The following FBXO38 variants were observed in gnomAD, a reference collection of about 807,000 sequenced individuals.
The protein encoded by FBXO38 is F-box protein 38.
FBXO38 carries 53 observed loss-of-function variants against 131.9 expected under a neutral mutation model. That is an observed-to-expected ratio of 0.40 (90% confidence interval 0.32 to 0.51). The LOEUF is 0.51. Ranked by LOEUF, FBXO38 falls within the 20% of genes least tolerant of loss-of-function variation. The pLI, the probability that FBXO38 is intolerant of heterozygous loss-of-function variation, is 0.53. For synonymous variants in FBXO38, 452 were observed against 505.6 expected, an observed-to-expected ratio of 0.89 and a Z score of 1.42; for missense variants, 1,076 against 1,475.6, an observed-to-expected ratio of 0.73 and a Z score of 4.44.
At chr5:148,403,712 C>T (rs1190231382) in intron 5 of FBXO38, among the ~76,000 whole-genome samples, 1 of 152,112 alleles carries the variant, frequency 6.6e-6, no homozygotes, top group Admixed American at 6.6e-5. Flanking sequence ...TTGTAGGTTA[C>T]AATAAGAACA....
At chr5:148,402,211 G>C in intron 4 of FBXO38, 66 bp downstream of exon 4, 4 of 1,564,810 alleles carry the variant, frequency 2.6e-6, no homozygotes, top group Non-Finnish European at 3.5e-6. Flanking sequence ...AAGAATGATA[G>C]ACGTGTTCAC....
chr5:148,437,286 C>A (rs371323870), intron 17 of FBXO38, among the ~76,000 whole-genome samples: 24 of 152,322 alleles, frequency 1.6e-4, no homozygotes, highest in Non-Finnish European at 2.8e-4. Context: ...TTAGAACTGA[C>A]CTTAGTCATG....
Position 148,442,068 on chromosome 5 carries a change from G to T in FBXO38, c.3488G>T (p.Gly1163Val). The change falls in exon 22 of 22, where the codon GGT becomes GTT. Residue 1163 changes from glycine (G) to valine (V), a missense_variant. This residue lies in a region of FBXO38 where 282 missense variants were observed against 418.8 expected (regional missense o/e 0.67). Transcript: ENST00000340253. ...EISEMRQMKK[G>V]VFQRVVAIFI... ...TCAGAGATGCGTCAGATGAAGAAGG[G>T]TGTATTTCAGCGAGTAGTGGCAATT... The T allele has an allele frequency of 1.2e-6, 2 of 1,614,118 alleles. No individual in the cohort carries two copies. Among genetic ancestry groups the T allele is most frequent in the Non-Finnish European group, 1.7e-6 (2 of 1,179,962 alleles).
intron 1 of FBXO38, among the ~76,000 whole-genome samples, chr5:148,392,691 C>G (rs955939754): frequency 6.7e-6 from 1 of 150,098 alleles, no homozygotes; most frequent in Non-Finnish European, 1.5e-5. Flanking sequence ...GATAAATTAG[C>G]AAAGGAGACT....
At chr5:148,410,837 G>A (rs1305584849) in intron 9 of FBXO38, 72 bp downstream of exon 9, 2 of 1,419,580 alleles carry the variant, frequency 1.4e-6, no homozygotes, top group African/African-American at 1.5e-5. Context: ...ATCTGAATTG[G>A]GTTGTGCCAT....
In FBXO38 at chr5:148,391,601, T is replaced by C. The variant is rs1314505531; in HGVS notation, c.-63-3113T>C. Reference sequence around the variant, plus strand: ...GAAGATACTGGTCTGCTAGAGTGAGTATACTGAGAGCAAGTGGTAAGGATT... The same window carrying C: ...GAAGATACTGGTCTGCTAGAGTGAGCATACTGAGAGCAAGTGGTAAGGATT... On this transcript the variant is annotated intron_variant, in intron 1 of 21. Coordinates refer to ENST00000340253, the MANE Select transcript of FBXO38 (RefSeq NM_205836.3). 2.0e-5 allele frequency among the ~76,000 whole-genome samples: 3 copies of C among 152,144 alleles called. No individual in the cohort carries two copies. The East Asian group carries it at 5.8e-4, about 29-fold the overall frequency.
intron 9 of FBXO38, among the ~76,000 whole-genome samples, chr5:148,411,578 A>C (rs36028618): frequency 0.25 from 38,151 of 152,022 alleles, 4,837 homozygotes; most frequent in South Asian, 0.29. Context: ...AGCTCAAAAA[A>C]CATGACTGTT....
At position 148,427,766 on chromosome 5, in the gene FBXO38, G is replaced by T; in HGVS notation, c.2472G>T (p.Gly824=). The change falls in exon 15 of 22, where the codon GGG becomes GGT. Residue 824 remains glycine (G), a synonymous_variant. Transcript: ENST00000340253. ...AFSFRTLPQG[G]SSGPAHDERT... Reference sequence around the variant, plus strand: ...CCTTTAGGACTCTGCCACAAGGGGGGTCTTCAGGCCCAGCACATGATGAGA... The same window carrying T: ...CCTTTAGGACTCTGCCACAAGGGGGTTCTTCAGGCCCAGCACATGATGAGA... The T allele has an allele frequency of 1.9e-6, 3 of 1,612,164 alleles. No homozygotes were observed. The highest frequency in any genetic ancestry group is 2.5e-6 in the Non-Finnish European group (3 of 1,178,918).
intron 5 of FBXO38, among the ~76,000 whole-genome samples, chr5:148,404,095 G>A (rs1394221746): frequency 6.6e-6 from 1 of 152,144 alleles, no homozygotes; most frequent in Non-Finnish European, 1.5e-5. Flanking sequence ...GCAGGTTTCT[G>A]CTTTTCTCAG....
rs181855768 is a variant in FBXO38 at position 148,406,505 on chromosome 5, A to G, written c.868+111A>G. ...CTTTAAAAAGAAAATGCTCGTCAGT[A>G]ACTGCTTTCTTTGTTGTATTTGATG... On this transcript the variant is annotated intron_variant, in intron 7 of 21. Transcript: ENST00000340253. 4 of 827,252 alleles carry G rather than the reference A, an allele frequency of 4.8e-6. No homozygotes were observed. The East Asian group carries it at 8.8e-5, about 18-fold the overall frequency. 51.2% of individuals were successfully genotyped at this position (827,252 alleles called of 1,614,324 possible). A position where few individuals can be genotyped will look rare whatever the true frequency, so the allele number is the denominator to read the frequency against.
chr5:148,397,128 T>A (rs1301645390), intron 2 of FBXO38, among the ~76,000 whole-genome samples: 2 of 152,200 alleles, frequency 1.3e-5, no homozygotes, highest in Non-Finnish European at 2.9e-5. Flanking sequence ...TTCTAAAATT[T>A]TGATTTGAGG....
At chr5:148,405,443 C>A (rs1251191710) in intron 6 of FBXO38, among the ~76,000 whole-genome samples, 1 of 152,030 alleles carries the variant, frequency 6.6e-6, no homozygotes, top group African/African-American at 2.4e-5. Context: ...CAGTGTGGCC[C>A]AGTGATGTCA....
rs537148125 is a variant in FBXO38, at chr5:148,405,048, T to A, written c.730+226T>A. On this transcript the variant is annotated intron_variant, in intron 6 of 21. Transcript: ENST00000340253. ...AAAAAAACAAAACTCAGAATATCTC[T>A]ATTTTTTACGGGTACTTTTTACTTT... Among the ~76,000 whole-genome samples the A allele has an allele frequency of 3.9e-5, 6 of 152,112 alleles. No homozygotes were observed. The East Asian group carries it at 1.2e-3, about 29-fold the overall frequency.
chr5:148,391,193 G>A (rs552637370), intron 1 of FBXO38, among the ~76,000 whole-genome samples: 2 of 152,194 alleles, frequency 1.3e-5, no homozygotes, highest in Admixed American at 6.5e-5. Context: ...GGTAGCAAAC[G>A]TCTCATAAGA....
intron 12 of FBXO38, 156 bp from the exon 13 acceptor site, chr5:148,423,842 A>G: frequency 1.8e-6 from 1 of 553,668 alleles, no homozygotes; most frequent in South Asian, 2.4e-5. Context: ...TAATATCTGC[A>G]GTAACAAGCA....
chr5:148,402,480 A>T lies in FBXO38; in HGVS notation c.559A>T (p.Ile187Leu), dbSNP rs765594916. 2 of 1,611,586 alleles carry T rather than the reference A, an allele frequency of 1.2e-6. No individual in the cohort carries two copies. Among genetic ancestry groups the T allele is most frequent in the African/African-American group, 1.3e-5 (1 of 74,922 alleles). Residue 187 changes from isoleucine to leucine, a missense_variant, in exon 5 of 22, where the codon ATA (isoleucine) becomes TTA (leucine). Coordinates refer to ENST00000340253, the MANE Select transcript of FBXO38 (RefSeq NM_205836.3). ...TCCTGAAAATAAACTGAAAATTCCT[A>T]TAGGAGCCAAAATTCAAACTTTACA... ...IPPENKLKIP[I>L]GAKIQTLHLV...
At chr5:148,419,706 C>G (rs771435184) in intron 12 of FBXO38, among the ~76,000 whole-genome samples, 4 of 152,010 alleles carry the variant, frequency 2.6e-5, no homozygotes, top group Non-Finnish European at 5.9e-5. Context: ...CACACCACTA[C>G]GCTCCAGCCT....
rs921281098 is a variant in FBXO38 at position 148,417,187 on chromosome 5, A to G, written c.1601A>G (p.Gln534Arg). 1 of 1,610,230 alleles carries G rather than the reference A, an allele frequency of 6.2e-7. No homozygotes were observed. Among genetic ancestry groups the G allele is most frequent in the African/African-American group, 1.3e-5 (1 of 74,974 alleles). Residue 534 changes from glutamine to arginine, a missense_variant, in exon 12 of 22, where the codon CAG becomes CGG. Physicochemically the swap from Gln to Arg is conservative, Grantham distance 43 (BLOSUM62 1). Transcript: ENST00000340253. ...CGGCAAGATCTGCAGCCAGGAGAGC[A>G]GCAGTTTGCAGCTGACGGTAACCCA... ...DFRQDLQPGE[Q>R]QFAADALNEM...
At chr5:148,403,458 C>A (rs1209675993) in intron 5 of FBXO38, among the ~76,000 whole-genome samples, 1 of 143,456 alleles carries the variant, frequency 7.0e-6, no homozygotes. Flanking sequence ...TCTGTCTCAC[C>A]CTTCTTCCTT....
Sources: allele counts gnomAD v4.1 joint callset (sites outside exome capture counted in the v4.1 genomes callset), GRCh38; gene constraint gnomAD v4.1.1; regional missense constraint gnomAD v4.1.1; transcripts MANE v1.5; gene names NCBI Gene and HGNC (gene_info 2026-07-23, HGNC 2026-07-21).